Variants in CCDC14 observed in about 807,000 individuals in gnomAD.
The protein encoded by CCDC14 is coiled-coil domain-containing protein 14.
In CCDC14, 71 loss-of-function variants were observed where a neutral mutation model predicts 81.4. The observed-to-expected ratio is 0.87, with a 90% CI of 0.72 to 1.06. The LOEUF (loss-of-function observed/expected upper bound fraction) is 1.06. Ranked by LOEUF, CCDC14 falls within the 50% of genes least tolerant of loss-of-function variation. The pLI is 0.00. For missense variants in CCDC14, 1,046 were observed against 1,047.3 expected (o/e 1.00, Z 0.02); for synonymous variants, 332 against 364.8 (o/e 0.91, Z 1.03).
At chr3:123,901,571 A>G (rs1245457465) in intron 5 of CCDC14, among the ~76,000 whole-genome samples, 1 of 152,196 alleles carries the variant, frequency 6.6e-6, no homozygotes, top group African/African-American at 2.4e-5. Context: ...AAAAATTTTA[A>G]GTTGAAGAAA....
downstream of CCDC14, among the ~76,000 whole-genome samples, chr3:123,913,239 A>T (rs1340318016): frequency 6.6e-6 from 1 of 152,152 alleles, no homozygotes; most frequent in East Asian, 1.9e-4. Context: ...TTCTAGTCTC[A>T]TTTGTTTCTC....
At position 123,944,891 on chromosome 3, in the gene CCDC14, A is replaced by G. The variant is rs776549385; in HGVS notation, c.1301T>C (p.Leu434Pro). 6.2e-7 allele frequency: 1 copy of G among 1,612,010 alleles called. No individual in the cohort carries two copies. ...CTCACTTCTTAATGGTTGCATGGCC[A>G]GTGCTATCTCAACTTGAATATCTGT... Reference protein sequence around the residue: ...GNTDIQVEIALAMQPLRSENA... With the variant: ...GNTDIQVEIAPAMQPLRSENA... The change falls in exon 9 of 13, where the codon CTG becomes CCG. Residue 434 changes from leucine to proline, a missense_variant. Transcript: ENST00000409697.
chr3:123,961,070 A>C, intron 1 of CCDC14, 74 bp downstream of exon 1: 1 of 1,293,256 alleles, frequency 7.7e-7, no homozygotes, highest in Non-Finnish European at 1.1e-6. Context: ...GCAGAGTTTT[A>C]CAAGTTCCTG....
chr3:123,920,422 C>T (rs1169963339), intron 12 of CCDC14, among the ~76,000 whole-genome samples: 2 of 152,110 alleles, frequency 1.3e-5, no homozygotes, highest in African/African-American at 2.4e-5. Context: ...TCCAATTTAA[C>T]CCAAAGAGAA....
chr3:123,915,790 A>G, intron 12 of CCDC14, 72 bp from the exon 13 acceptor site: 1 of 1,158,654 alleles, frequency 8.6e-7, no homozygotes, highest in Non-Finnish European at 1.2e-6. Flanking sequence ...CTATACCTCC[A>G]TCTTTAAAAA....
intron 12 of CCDC14, among the ~76,000 whole-genome samples, chr3:123,927,277 C>A (rs2035425289): frequency 6.7e-6 from 1 of 148,494 alleles, no homozygotes; most frequent in Non-Finnish European, 1.5e-5. Context: ...AATAGCTGGG[C>A]ACAGTGGCAT....
At chr3:123,960,943 G>C (rs904780860) in intron 1 of CCDC14, among the ~76,000 whole-genome samples, 2 of 152,180 alleles carry the variant, frequency 1.3e-5, no homozygotes, top group Non-Finnish European at 2.9e-5. Flanking sequence ...GGGCTACGAC[G>C]ATTTAAACAG....
chr3:123,945,135 G>A (rs1420739936), intron 8 of CCDC14, 145 bp from the exon 9 acceptor site: 5 of 467,900 alleles, frequency 1.1e-5, no homozygotes, highest in Non-Finnish European at 1.8e-5. Flanking sequence ...TTATTATACA[G>A]GTTCCATTTT....
chr3:123,926,045 C>T (rs959904113), intron 12 of CCDC14, among the ~76,000 whole-genome samples: 2 of 151,932 alleles, frequency 1.3e-5, no homozygotes, highest in East Asian at 1.9e-4. Context: ...AGACTGCATA[C>T]CGAAATTTTT....
chr3:123,950,383 CAA>C (rs2036933866), intron 5 of CCDC14, among the ~76,000 whole-genome samples: 1 of 152,024 alleles, frequency 6.6e-6, no homozygotes, highest in African/African-American at 2.4e-5. Flanking sequence ...CTGAAAACAC[CAA>C]ATAGCCATGA....
Position 123,931,295 on chromosome 3 carries a change from T to C in CCDC14, c.1645+13A>G, listed in dbSNP as rs1239476391. On this transcript the variant is annotated intron_variant, in intron 11 of 12. Transcript: ENST00000409697. Reference sequence around the variant, plus strand: ...TTAAAAGATGTGACCATAACTACTGTCTAAATACGTACCAATTTTTATTCT... The same window carrying C: ...TTAAAAGATGTGACCATAACTACTGCCTAAATACGTACCAATTTTTATTCT... The C allele has an allele frequency of 2.6e-6, 4 of 1,561,184 alleles. No homozygotes were observed. Among genetic ancestry groups the C allele is most frequent in the Admixed American group, 1.9e-5 (1 of 52,308 alleles).
At chr3:123,908,896 T>C (rs1011349402), downstream of CCDC14, among the ~76,000 whole-genome samples, 2 of 152,184 alleles carry the variant, frequency 1.3e-5, no homozygotes, top group African/African-American at 4.8e-5. Context: ...CTAGTTTTTG[T>C]CTCATCTTCA....
chr3:123,903,065 G>A (rs553537199), intron 5 of CCDC14, among the ~76,000 whole-genome samples: 59 of 151,892 alleles, frequency 3.9e-4, no homozygotes, highest in Non-Finnish European at 6.3e-4. Context: ...GAGAACATGC[G>A]GTGTTTGGTT....
intron 12 of CCDC14, among the ~76,000 whole-genome samples, chr3:123,916,349 A>C (rs2034688329): frequency 6.6e-6 from 1 of 152,104 alleles, no homozygotes. Context: ...GCAGCACTAC[A>C]AATTGAGCCC....
chr3:123,933,792 C>T (rs1436183733), intron 9 of CCDC14, 37 bp from the exon 10 acceptor site: 1 of 1,416,192 alleles, frequency 7.1e-7, no homozygotes, highest in Non-Finnish European at 9.8e-7. Context: ...TGCAAGCATA[C>T]CAAGCCAATT....
chr3:123,885,965 T>C, the CCDC14 span, among the ~76,000 whole-genome samples: 1 of 152,194 alleles, frequency 6.6e-6, no homozygotes, highest in Non-Finnish European at 1.5e-5. Context: ...AGTTTTCAAG[T>C]TAAGGAATTG....
chr3:123,949,440 C>T, intron 5 of CCDC14: 2 of 299,316 alleles, frequency 6.7e-6, no homozygotes, highest in Non-Finnish European at 1.3e-5. Context: ...TATATTATCC[C>T]TAAAGTCCAG....
At chr3:123,916,468 T>TGTTTGTGTG (rs1559764283) in intron 12 of CCDC14, among the ~76,000 whole-genome samples, 1 of 146,066 alleles carries the variant, frequency 6.8e-6, no homozygotes, top group East Asian at 2.0e-4. Context: ...ATATATGTGT[T>TGTTTGTGTG]TGTGTGTGTG....
At chr3:123,908,376 G>C (rs907269318) in intron 5 of CCDC14, among the ~76,000 whole-genome samples, 16 of 152,142 alleles carry the variant, frequency 1.1e-4, no homozygotes, top group Non-Finnish European at 2.1e-4. Context: ...TAAATGCTCA[G>C]TATGTAGTAC....
Sources: allele counts gnomAD v4.1 joint callset (sites outside exome capture counted in the v4.1 genomes callset), GRCh38; gene constraint gnomAD v4.1.1; transcripts MANE v1.5; gene names NCBI Gene and HGNC (gene_info 2026-07-23, HGNC 2026-07-21).